Variants in DICER1 observed in about 807,000 individuals in gnomAD.
DICER1 encodes the protein endoribonuclease Dicer.
DICER1 carries 43 observed loss-of-function variants against 194.1 expected under a neutral mutation model. That is an observed-to-expected ratio of 0.22 (90% CI 0.17 to 0.29). The LOEUF (loss-of-function observed/expected upper bound fraction) is 0.29. DICER1 is among the 10% of genes least tolerant of loss of function. The pLI is 1.00. For synonymous variants in DICER1, 832 were observed against 820.5 expected, an observed-to-expected ratio of 1.01 and a Z score of -0.24; for missense variants, 1,608 against 2,317.0, an observed-to-expected ratio of 0.69 and a Z score of 6.28.
intron 1 of DICER1, among the ~76,000 whole-genome samples, chr14:95,142,604 T>C (rs1310235394): frequency 2.0e-5 from 3 of 152,246 alleles, no homozygotes; most frequent in Admixed American, 2.0e-4. Context: ...GATAATTCCA[T>C]ACATACATTA....
intron 1 of DICER1, among the ~76,000 whole-genome samples, chr14:95,148,673 T>C (rs1369529960): frequency 6.6e-6 from 1 of 152,158 alleles, no homozygotes; most frequent in Non-Finnish European, 1.5e-5. Flanking sequence ...CTTAACAAAT[T>C]CCACCCATCA....
chr14:95,126,731 C>T lies in DICER1; in HGVS notation c.752G>A (p.Cys251Tyr), dbSNP rs1167822359. 3 of 1,607,858 alleles carry T rather than the reference C, an allele frequency of 1.9e-6. No homozygotes were observed. The highest frequency in any genetic ancestry group is 2.7e-5 in the African/African-American group (2 of 73,980). ...TGGTCCACAATCCACCACAATCTCACATGGCTGAGAAGTATACCTTTAACA... is the reference window on the plus strand; with the variant it reads ...TGGTCCACAATCCACCACAATCTCATATGGCTGAGAAGTATACCTTTAACA... ...VVLDRYTSQP[C>Y]EIVVDCGPFT... Residue 251 changes from cysteine to tyrosine, a missense_variant, in exon 7 of 27, where the codon TGT (cysteine) becomes TAT (tyrosine). Physicochemically the swap from Cys to Tyr is radical, Grantham distance 194. Around this residue, in one of 10 missense-constraint regions of DICER1, gnomAD observed 657 missense variants for 910.1 expected, o/e 0.72. Coordinates refer to ENST00000343455, the MANE Select transcript of DICER1 (RefSeq NM_177438.3).
chr14:95,154,514 C>A (rs978236560), intron 1 of DICER1, among the ~76,000 whole-genome samples: 4 of 152,164 alleles, frequency 2.6e-5, no homozygotes, highest in Non-Finnish European at 5.9e-5. Context: ...CAATGAAATA[C>A]CATTCAGCTT....
intron 13 of DICER1, 39 bp downstream of exon 13, chr14:95,112,133 A>C: frequency 6.4e-7 from 1 of 1,568,170 alleles, no homozygotes; most frequent in Non-Finnish European, 8.8e-7. Context: ...AATGGTTGCA[A>C]TTTATTTTCA....
At chr14:95,137,243 G>A (rs1894451543) in intron 1 of DICER1, among the ~76,000 whole-genome samples, 1 of 136,604 alleles carries the variant, frequency 7.3e-6, no homozygotes, top group African/African-American at 2.8e-5. Context: ...GGAAGAGGAA[G>A]AGAAAGGGGA....
intron 1 of DICER1, among the ~76,000 whole-genome samples, chr14:95,151,277 T>G (rs956303092): frequency 6.6e-6 from 1 of 152,174 alleles, no homozygotes; most frequent in African/African-American, 2.4e-5. Context: ...CGAAAACTTG[T>G]CTGTAAAATA....
At chr14:95,104,199 T>C (rs1891205575) in intron 20 of DICER1, 73 bp from the exon 21 acceptor site, 2 of 1,292,634 alleles carry the variant, frequency 1.5e-6, no homozygotes, top group Admixed American at 4.1e-5. Context: ...GCAATTTGAA[T>C]TTAAAAACAA....
rs746349052 is a variant in DICER1, at chr14:95,115,838, C to G, written c.1753-17G>C. Reference sequence around the variant, plus strand: ...TCTCAAGATCTGAACATTTAAAAAACAGAACTTATGATGAAAACACATCCT... The same window carrying G: ...TCTCAAGATCTGAACATTTAAAAAAGAGAACTTATGATGAAAACACATCCT... On this transcript the variant is annotated splice_polypyrimidine_tract_variant and intron_variant, in intron 10 of 26. Coordinates refer to ENST00000343455, the MANE Select transcript of DICER1 (RefSeq NM_177438.3). 1 of 1,613,818 alleles carries G rather than the reference C, an allele frequency of 6.2e-7. No individual in the cohort carries two copies. Among genetic ancestry groups the G allele is most frequent in the Non-Finnish European group, 8.5e-7 (1 of 1,179,752 alleles).
Position 95,155,306 on chromosome 14 carries a change from G to A in DICER1, c.-46+1924C>T, listed in dbSNP as rs192202957. On this transcript the variant is annotated intron_variant, in intron 1 of 26. Transcript: ENST00000343455. The stretch of plus-strand genomic sequence containing the variant: ...AACGTGACCATGACATGGTAGGGTC[G>A]CAAGTGAGAGACTGTCTACGAAATA... Among the ~76,000 whole-genome samples the A allele has an allele frequency of 1.3e-4, 20 of 152,280 alleles. No homozygotes were observed. The East Asian group carries it at 3.7e-3, about 28-fold the overall frequency.
Position 95,095,810 on chromosome 14 carries a change from T to C in DICER1, c.5095+15A>G, listed in dbSNP as rs761445564. 3 of 1,613,660 alleles carry C rather than the reference T, an allele frequency of 1.9e-6. No individual in the cohort carries two copies. The highest frequency in any genetic ancestry group is 2.5e-6 in the Non-Finnish European group (3 of 1,179,880). On this transcript the variant is annotated intron_variant, in intron 23 of 26. Coordinates refer to ENST00000343455, the MANE Select transcript of DICER1 (RefSeq NM_177438.3). ...TCATTTTCCCAGAAATGAAGTCTGG[T>C]CGTGGGCTCCTTACCAGTGATAGTA...
intron 17 of DICER1, among the ~76,000 whole-genome samples, chr14:95,107,062 C>G (rs1205823962): frequency 6.6e-6 from 1 of 152,098 alleles, no homozygotes; most frequent in Non-Finnish European, 1.5e-5. Context: ...GTTGCCCAGG[C>G]TGGAGTGTAG....
At position 95,089,600 on chromosome 14, in the gene DICER1, G is replaced by A. The variant is rs964258122; in HGVS notation, c.*898C>T. ...TAGTAAAATGGGGTGTTTAGCCAAA[G>A]ATCATTTTTATGATAAAAAATATCC... On this transcript the variant is annotated 3_prime_UTR_variant, in exon 27 of 27. Coordinates refer to ENST00000343455, the MANE Select transcript of DICER1 (RefSeq NM_177438.3). The A allele has an allele frequency of 2.2e-5, 5 of 231,656 alleles. No homozygotes were observed. Among genetic ancestry groups the A allele is most frequent in the African/African-American group, 6.6e-5 (3 of 45,266 alleles). The allele number at this position is 231,656 out of a possible 1,614,324, so 14.4% of individuals were successfully genotyped here. A position where few individuals can be genotyped will look rare whatever the true frequency, so the allele number is the denominator to read the frequency against.
At chr14:95,125,861 G>A (rs1232046583) in intron 7 of DICER1, among the ~76,000 whole-genome samples, 1 of 151,664 alleles carries the variant, frequency 6.6e-6, no homozygotes, top group African/African-American at 2.4e-5. Context: ...GAAAAGGAAA[G>A]AGGAAAGGAA....
chr14:95,115,892 C>G, intron 10 of DICER1, 71 bp from the exon 11 acceptor site: 5 of 1,512,988 alleles, frequency 3.3e-6, no homozygotes, highest in Non-Finnish European at 4.6e-6. Context: ...GCCTCTGTAC[C>G]TACAGAAAAA....
At chr14:95,120,667 C>T (rs1472016529) in intron 8 of DICER1, among the ~76,000 whole-genome samples, 1 of 152,160 alleles carries the variant, frequency 6.6e-6, no homozygotes, top group Non-Finnish European at 1.5e-5. Flanking sequence ...GTGGCCACCG[C>T]TGCAACAATT....
chr14:95,135,047 A>G (rs527431962), intron 1 of DICER1, among the ~76,000 whole-genome samples: 1 of 152,198 alleles, frequency 6.6e-6, no homozygotes, highest in South Asian at 2.1e-4. Flanking sequence ...TTCTTAATAC[A>G]ACTGCCAAGA....
At chr14:95,107,175 T>C (rs1262808258) in intron 17 of DICER1, among the ~76,000 whole-genome samples, 1 of 151,832 alleles carries the variant, frequency 6.6e-6, no homozygotes, top group Non-Finnish European at 1.5e-5. Flanking sequence ...TCACCATGCC[T>C]GACTGACTAA....
chr14:95,150,052 A>T (rs1286825944), intron 1 of DICER1, among the ~76,000 whole-genome samples: 1 of 152,230 alleles, frequency 6.6e-6, no homozygotes, highest in African/African-American at 2.4e-5. Flanking sequence ...ATTCTCTTCC[A>T]TATTAATGCA....
At chr14:95,147,759 C>G (rs772377252) in intron 1 of DICER1, among the ~76,000 whole-genome samples, 1 of 152,224 alleles carries the variant, frequency 6.6e-6, no homozygotes, top group Non-Finnish European at 1.5e-5. Context: ...CCTTCCGTGT[C>G]AATTGCAAAC....
Sources: allele counts gnomAD v4.1 joint callset (sites outside exome capture counted in the v4.1 genomes callset), GRCh38; gene constraint gnomAD v4.1.1; regional missense constraint gnomAD v4.1.1; transcripts MANE v1.5; gene names NCBI Gene and HGNC (gene_info 2026-07-23, HGNC 2026-07-21).